DNAJC6: variants seen among roughly 807,000 people sequenced by gnomAD.
DNAJC6 encodes auxilin.
A neutral mutation model predicts 110.0 loss-of-function variants in DNAJC6; 34 were observed. That is an observed-to-expected ratio of 0.31 (90% CI 0.24 to 0.41). DNAJC6 has a LOEUF of 0.41. Among genes scored for constraint, DNAJC6 ranks in the 10% least tolerant of loss-of-function variants. The pLI, the probability that DNAJC6 is intolerant of heterozygous loss-of-function variation, is 1.00. For missense variants in DNAJC6, 1,031 were observed against 1,207.8 expected (o/e 0.85, Z 2.17); for synonymous variants, 406 against 437.2 (o/e 0.93, Z 0.89).
chr1:65,312,536 G>A (rs1645110824), intron 1 of DNAJC6, among the ~76,000 whole-genome samples: 1 of 152,178 alleles, frequency 6.6e-6, no homozygotes, highest in South Asian at 2.1e-4. Context: ...TGACATGCTG[G>A]ATAGGATCAG....
At chr1:65,360,203 C>T (rs958658500) in intron 1 of DNAJC6, among the ~76,000 whole-genome samples, 3 of 152,236 alleles carry the variant, frequency 2.0e-5, no homozygotes, top group Non-Finnish European at 4.4e-5. Flanking sequence ...GCCAGAATAT[C>T]TACCTAAAAG....
chr1:65,406,991 G>A (rs1176847590), intron 16 of DNAJC6, among the ~76,000 whole-genome samples: 1 of 152,132 alleles, frequency 6.6e-6, no homozygotes, highest in East Asian at 1.9e-4. Context: ...CATTTTTCAT[G>A]TACAGGCATC....
In DNAJC6 at chr1:65,388,457, G is replaced by T. The variant is rs201167746; in HGVS notation, c.1193+42G>T. 7 of 1,570,130 alleles carry T rather than the reference G, an allele frequency of 4.5e-6. 1 individual carries two copies. The East Asian group carries it at 1.6e-4, about 35-fold the overall frequency. On this transcript the variant is annotated intron_variant, in intron 9 of 18. Transcript: ENST00000371069. ...CCAAAAGTCTATTTGAATCAAATTAGCTGTGAAGTGCTGAGGCTCAATGGC... is the reference window on the plus strand; with the variant it reads ...CCAAAAGTCTATTTGAATCAAATTATCTGTGAAGTGCTGAGGCTCAATGGC...
chr1:65,350,746 T>G (rs929312252), intron 1 of DNAJC6, among the ~76,000 whole-genome samples: 2 of 152,184 alleles, frequency 1.3e-5, no homozygotes, highest in African/African-American at 4.8e-5. Context: ...ATTCCTAGTG[T>G]GATGTGGCCT....
At chr1:65,366,548 G>A (rs369979743) in intron 4 of DNAJC6, among the ~76,000 whole-genome samples, 16 of 152,276 alleles carry the variant, frequency 1.1e-4, no homozygotes, top group South Asian at 1.0e-3. Context: ...TAATTATGCC[G>A]TTGACCCTTC....
rs76671816 is a variant in DNAJC6, at chr1:65,268,245, C to G, written c.-131+3313C>G. ...TTAAGAACTGCCTGCCTGCCTTTTC[C>G]ATCTTTTTAGTTCATCTTAGGGACA... On this transcript the variant is annotated intron_variant, in intron 1 of 19. Coordinates refer to the DNAJC6 transcript ENST00000263441. 5.2e-3 allele frequency among the ~76,000 whole-genome samples: 788 copies of G among 152,262 alleles called. 15 individuals carry two copies. In the East Asian group the frequency reaches 0.052, roughly 10 times the overall value.
chr1:65,392,609 AC>A lies in DNAJC6; in HGVS notation c.1652del (p.Pro551LeufsTer14). ...KKQQEPAAPP[P>X]PEDVDLLGLE... ...AGCAGCAGGAGCCAGCAGCCCCTCCACCCCCTGAGGATGTGGACCTTTTGGG... is the reference window on the plus strand; with the variant it reads ...AGCAGCAGGAGCCAGCAGCCCCTCCACCCCTGAGGATGTGGACCTTTTGGG... On this transcript the variant is annotated frameshift_variant, in exon 12 of 19. Transcript: ENST00000371069. LOFTEE classifies it high-confidence loss of function. The A allele has an allele frequency of 6.2e-7, 1 of 1,613,754 alleles. No homozygotes were observed. The highest frequency in any genetic ancestry group is 8.5e-7 in the Non-Finnish European group (1 of 1,179,918).
At chr1:65,397,229 G>T (rs1272769228) in intron 13 of DNAJC6, among the ~76,000 whole-genome samples, 1 of 152,082 alleles carries the variant, frequency 6.6e-6, no homozygotes, top group Non-Finnish European at 1.5e-5. Context: ...CTTCACATAG[G>T]ACAGAATATA....
chr1:65,391,824 C>T (rs1391152782), intron 11 of DNAJC6, among the ~76,000 whole-genome samples: 2 of 152,206 alleles, frequency 1.3e-5, no homozygotes, highest in African/African-American at 4.8e-5. Flanking sequence ...GTAGCCCAGG[C>T]TGGAGTACAA....
intron 1 of DNAJC6, among the ~76,000 whole-genome samples, chr1:65,358,497 T>A (rs1051927892): frequency 6.6e-6 from 1 of 152,198 alleles, no homozygotes; most frequent in African/African-American, 2.4e-5. Context: ...AATGTGTTAC[T>A]ACATATAAAG....
intron 1 of DNAJC6, among the ~76,000 whole-genome samples, chr1:65,350,872 T>C (rs891432391): frequency 1.3e-5 from 2 of 152,230 alleles, no homozygotes; most frequent in African/African-American, 4.8e-5. Context: ...CTCTGGTATA[T>C]AGTGCTGGTT....
chr1:65,366,342 A>G (rs1645646505), intron 4 of DNAJC6, 146 bp downstream of exon 4: 1 of 870,176 alleles, frequency 1.1e-6, no homozygotes, highest in East Asian at 2.5e-5. Flanking sequence ...AATATTTATT[A>G]GGCTGCTATG....
rs1646157364 is a variant in DNAJC6, at chr1:65,414,838, A to G, written c.*1813A>G. ...GTTTTTCTTTCTCATTCACATTTGT[A>G]GATATTGTGTGAACTACAGTATATA... On this transcript the variant is annotated 3_prime_UTR_variant, in exon 19 of 19. Coordinates refer to ENST00000371069, the MANE Select transcript of DNAJC6 (RefSeq NM_001256864.2). 2 of 152,652 alleles carry G rather than the reference A, an allele frequency of 1.3e-5. No individual in the cohort carries two copies. Among genetic ancestry groups the G allele is most frequent in the South Asian group, 4.1e-4 (2 of 4,834 alleles). The allele number at this position is 152,652 out of a possible 1,614,324, so 9.5% of individuals were successfully genotyped here. A position where few individuals can be genotyped will look rare whatever the true frequency, so the allele number is the denominator to read the frequency against.
At position 65,329,110 on chromosome 1, in the gene DNAJC6, A is replaced by G. The variant is rs1244912959; in HGVS notation, c.193+19172A>G. ...TTTCCCAGTGTCTGATGATCCTGCA[A>G]TGGCCGCTTCTCCTTCCTTTCCCAC... On this transcript the variant is annotated intron_variant, in intron 1 of 18. Coordinates refer to ENST00000371069, the MANE Select transcript of DNAJC6 (RefSeq NM_001256864.2). Among the ~76,000 whole-genome samples the G allele has an allele frequency of 2.6e-5, 4 of 152,154 alleles. No individual in the cohort carries two copies. The South Asian group carries it at 6.2e-4, about 24-fold the overall frequency.
chr1:65,403,531 C>A (rs1384038916), intron 15 of DNAJC6, among the ~76,000 whole-genome samples: 2 of 152,158 alleles, frequency 1.3e-5, no homozygotes, highest in Middle Eastern at 3.2e-3. Flanking sequence ...GATGATATTC[C>A]TGTTCTTTGA....
In DNAJC6 at chr1:65,380,916, G is replaced by GTTTTTTTTTTTTT. The variant is rs796797174; in HGVS notation, c.666+1396_666+1397insTTTTTTTTTTTTT. Among the ~76,000 whole-genome samples, 86 of 93,510 alleles carry GTTTTTTTTTTTTT rather than the reference G, an allele frequency of 9.2e-4. 9 individuals are homozygous for GTTTTTTTTTTTTT. Among genetic ancestry groups the GTTTTTTTTTTTTT allele is most frequent in the East Asian group, 3.7e-3 (11 of 2,968 alleles). The allele number at this position is 93,510 out of a possible 152,430, so 61.3% of individuals were successfully genotyped here. ...TTTTTTTTTTTTTGTTTTTTGTTTT[G>GTTTTTTTTTTTTT]TTTTGTTTTTTTTTTTTTTTTGGGA... On this transcript the variant is annotated intron_variant, in intron 5 of 18. Coordinates refer to ENST00000371069, the MANE Select transcript of DNAJC6 (RefSeq NM_001256864.2).
chr1:65,316,253 C>T (rs796915608), intron 1 of DNAJC6, among the ~76,000 whole-genome samples: 34 of 152,266 alleles, frequency 2.2e-4, no homozygotes, highest in African/African-American at 7.9e-4. Flanking sequence ...GCCTGCACCT[C>T]CATCTTTATG....
intron 1 of DNAJC6, among the ~76,000 whole-genome samples, chr1:65,312,334 T>C (rs1295789460): frequency 3.3e-5 from 5 of 152,236 alleles, no homozygotes; most frequent in African/African-American, 1.2e-4. Context: ...GAATGAAGGA[T>C]TGGACTCTGA....
rs748757918 is a variant in DNAJC6, at chr1:65,366,206, T to G, written c.543+10T>G. 1.2e-6 allele frequency: 2 copies of G among 1,613,206 alleles called. No homozygotes were observed. The highest frequency in any genetic ancestry group is 1.7e-6 in the Non-Finnish European group (2 of 1,179,504). ...CAAGTTTCACAGCCGGGTAAGGATT[T>G]TTAGCCCTGAGATCATACTGTTGAA... On this transcript the variant is annotated intron_variant, in intron 4 of 18. Coordinates refer to ENST00000371069, the MANE Select transcript of DNAJC6 (RefSeq NM_001256864.2).
Sources: allele counts gnomAD v4.1 joint callset (sites outside exome capture counted in the v4.1 genomes callset), GRCh38; gene constraint gnomAD v4.1.1; transcripts MANE v1.5; gene names NCBI Gene and HGNC (gene_info 2026-07-23, HGNC 2026-07-21).